The following BCAS3 variants were observed in gnomAD, a reference collection of about 807,000 sequenced individuals.
The protein encoded by BCAS3 is BCAS3 microtubule associated cell migration factor.
Under a neutral mutation model 116.1 loss-of-function variants are expected in BCAS3, and 53 were observed. The observed-to-expected ratio is 0.46, with a 90% confidence interval of 0.37 to 0.57. BCAS3 has a LOEUF of 0.57. Among genes scored for constraint, BCAS3 ranks in the 20% least tolerant of loss-of-function variants. The probability of loss-of-function intolerance (pLI) is 0.00; values close to 1 mark genes in which losing one functional copy is unlikely to be tolerated. For synonymous variants in BCAS3, 391 were observed against 408.2 expected (o/e 0.96, Z 0.51); for missense variants, 917 against 1,165.4 (o/e 0.79, Z 3.10).
chr17:60,976,095 G>A (rs1455424863), intron 14 of BCAS3, among the ~76,000 whole-genome samples: 1 of 131,536 alleles, frequency 7.6e-6, no homozygotes, highest in Non-Finnish European at 1.6e-5. Context: ...GTGGCTCACT[G>A]CAAGTGCAAG....
chr17:61,110,905 C>T (rs1268048948), intron 22 of BCAS3, among the ~76,000 whole-genome samples: 1 of 152,220 alleles, frequency 6.6e-6, no homozygotes, highest in Non-Finnish European at 1.5e-5. Flanking sequence ...TGAAAACGGG[C>T]AGACTGCCTC....
chr17:60,910,551 C>T lies in BCAS3; in HGVS notation c.842C>T (p.Thr281Ile). ...GTACAGACATTGAAAAGTGGCCTGA[C>T]AATGGTAGGGAAAGTGGTGACTCAG... ...SAAKTLKSGL[T>I]MVGKVVTQLT... Residue 281 changes from threonine (T) to isoleucine (I), a missense_variant, in exon 12 of 24, where the codon ACA becomes ATA. Thr to Ile is a moderately conservative substitution (Grantham distance 89). This residue lies in a region of BCAS3 where 807 missense variants were observed against 1,026.0 expected (regional missense o/e 0.79). Coordinates refer to ENST00000407086, the MANE Select transcript of BCAS3 (RefSeq NM_017679.5). 1 of 1,605,888 alleles carries T rather than the reference C, an allele frequency of 6.2e-7. No individual in the cohort carries two copies. The highest frequency in any genetic ancestry group is 8.5e-7 in the Non-Finnish European group (1 of 1,176,434).
chr17:61,391,980 T>C lies in BCAS3; in HGVS notation c.2597T>C (p.Leu866Pro), dbSNP rs879071789. Residue 866 changes from leucine to proline, a missense_variant, in exon 24 of 24, where the codon CTT becomes CCT. Physicochemically the swap from Leu to Pro is moderately conservative, Grantham distance 98 (BLOSUM62 -3). Transcript: ENST00000407086. This position sits in a 1 kb window ranked among gnomAD's most constrained non-coding sequence, Gnocchi z 7.7. ...SRDVVGSGTE[L>P]QREGSIETLS... ...GGCCCTCTCCTGTGTCTTGCAGAACTTCAGCGAGAGGGAAGCATCGAGACT... is the reference window on the plus strand; with the variant it reads ...GGCCCTCTCCTGTGTCTTGCAGAACCTCAGCGAGAGGGAAGCATCGAGACT... 6.2e-7 allele frequency: 1 copy of C among 1,613,558 alleles called. No individual in the cohort carries two copies. The highest frequency in any genetic ancestry group is 1.1e-5 in the South Asian group (1 of 91,066).
chr17:60,973,112 T>G (rs563612496), intron 14 of BCAS3, among the ~76,000 whole-genome samples: 1 of 152,248 alleles, frequency 6.6e-6, no homozygotes, highest in African/African-American at 2.4e-5. Flanking sequence ...TTTTATCACG[T>G]TATAAAATGT....
At position 61,376,271 on chromosome 17, in the gene BCAS3, A is replaced by G. The variant is rs114155721; in HGVS notation, c.2593+7777A>G. On this transcript the variant is annotated intron_variant, in intron 23 of 23. Coordinates refer to ENST00000407086, the MANE Select transcript of BCAS3 (RefSeq NM_017679.5). The surrounding 1 kb of genome is among the most constrained non-coding windows in gnomAD (Gnocchi z 4.5). ...CCTTTATGGGTCCTGGGTTAGCCAC[A>G]CTGTTCCTGTCCTAAGCAAACCCGG... Among the ~76,000 whole-genome samples, 6,701 of 152,198 alleles carry G rather than the reference A, an allele frequency of 0.044. 373 individuals are homozygous for G. The highest frequency in any genetic ancestry group is 0.13 in the African/African-American group (5,436 of 41,472).
chr17:60,955,316 T>C (rs746937910), intron 14 of BCAS3, among the ~76,000 whole-genome samples: 18 of 152,134 alleles, frequency 1.2e-4, no homozygotes, highest in Non-Finnish European at 1.5e-4. Context: ...ACCATCTAAT[T>C]TTGAAAGTCC....
At chr17:61,015,130 A>G (rs1322879664) in intron 15 of BCAS3, among the ~76,000 whole-genome samples, 1 of 152,196 alleles carries the variant, frequency 6.6e-6, no homozygotes, top group Non-Finnish European at 1.5e-5. Flanking sequence ...GAAATTGACA[A>G]GGTATGGGGG....
At chr17:60,796,919 T>C (rs1374165512) in intron 6 of BCAS3, among the ~76,000 whole-genome samples, 1 of 152,174 alleles carries the variant, frequency 6.6e-6, no homozygotes, top group Non-Finnish European at 1.5e-5. Context: ...TTATTTTACT[T>C]TTTTGAGACA....
At chr17:60,701,414 C>T (rs939994859) in intron 4 of BCAS3, among the ~76,000 whole-genome samples, 9 of 152,034 alleles carry the variant, frequency 5.9e-5, no homozygotes, top group Non-Finnish European at 1.2e-4. Context: ...GCTTATGTAA[C>T]CAACACCAAA....
intron 22 of BCAS3, among the ~76,000 whole-genome samples, chr17:61,236,283 AT>A (rs1474129704): frequency 6.6e-6 from 1 of 152,140 alleles, no homozygotes; most frequent in Non-Finnish European, 1.5e-5. Flanking sequence ...CTTAGATCTT[AT>A]GTTGGAGATA....
chr17:61,301,789 C>T (rs534844057), intron 22 of BCAS3, among the ~76,000 whole-genome samples: 2 of 152,140 alleles, frequency 1.3e-5, no homozygotes, highest in East Asian at 3.9e-4. Context: ...TCATGGACCA[C>T]CTGAATTCTA....
chr17:60,710,431 ATTT>A (rs529286931), intron 5 of BCAS3, among the ~76,000 whole-genome samples: 3 of 135,414 alleles, frequency 2.2e-5, no homozygotes. Context: ...ATTCTTTAAC[ATTT>A]TTTTTTTTTT....
Position 61,007,612 on chromosome 17 carries a change from TTAA to T in BCAS3, c.1487-8135_1487-8133del, listed in dbSNP as rs552233474. On this transcript the variant is annotated intron_variant, in intron 15 of 23. Transcript: ENST00000407086. The surrounding 1 kb of genome is among the most constrained non-coding windows in gnomAD (Gnocchi z 4.3). The stretch of plus-strand genomic sequence containing the variant: ...AGTACACTTTTAATTCTAGTGACAT[TTAA>T]TAAGCCCTAGGCAAAGCTCCATGCA... Among the ~76,000 whole-genome samples the T allele has an allele frequency of 2.0e-4, 30 of 151,944 alleles. 1 individual carries two copies. The highest frequency in any genetic ancestry group is 2.4e-4 in the Non-Finnish European group (16 of 67,960).
intron 3 of BCAS3, among the ~76,000 whole-genome samples, chr17:60,686,784 G>T (rs1330311830): frequency 2.0e-5 from 3 of 151,908 alleles, no homozygotes; most frequent in South Asian, 4.1e-4. Context: ...CCTTGGCCTC[G>T]CAAAGTTCTG....
At chr17:61,049,200 C>A (rs2068616201) in intron 19 of BCAS3, among the ~76,000 whole-genome samples, 2 of 151,770 alleles carry the variant, frequency 1.3e-5, no homozygotes, top group African/African-American at 4.8e-5. Context: ...ACTCAGGAGG[C>A]TGAGGTGGGA....
chr17:61,229,583 A>G lies in BCAS3; in HGVS notation c.2426-138744A>G, dbSNP rs746990072. Among the ~76,000 whole-genome samples the G allele has an allele frequency of 1.3e-5, 2 of 152,236 alleles. No homozygotes were observed. The highest frequency in any genetic ancestry group is 2.9e-5 in the Non-Finnish European group (2 of 68,038). Reference sequence around the variant, plus strand: ...CAATGGCAATTAAATGTCAACATTCATTTTGAAGGGGATGCTCAAACTATA... The same window carrying G: ...CAATGGCAATTAAATGTCAACATTCGTTTTGAAGGGGATGCTCAAACTATA... On this transcript the variant is annotated intron_variant, in intron 22 of 23. Coordinates refer to ENST00000407086, the MANE Select transcript of BCAS3 (RefSeq NM_017679.5). The surrounding 1 kb of genome is among the most constrained non-coding windows in gnomAD (Gnocchi z 4.4).
chr17:60,843,277 C>T (rs1457129393), intron 7 of BCAS3, among the ~76,000 whole-genome samples: 2 of 150,392 alleles, frequency 1.3e-5, no homozygotes, highest in African/African-American at 2.5e-5. Flanking sequence ...AGTGCAGTGG[C>T]ACGATCTCGG....
In BCAS3 at chr17:60,960,260, A is replaced by AT. The variant is rs1025932000; in HGVS notation, c.1221+12916dup. The stretch of plus-strand genomic sequence containing the variant: ...ATTACAGCATCAACTCTAAGTCTAA[A>AT]TTTTTTTTAAAAATATTATCGGCTC... On this transcript the variant is annotated intron_variant, in intron 14 of 23. Transcript: ENST00000407086. This position sits in a 1 kb window ranked among gnomAD's most constrained non-coding sequence, Gnocchi z 4.1. Among the ~76,000 whole-genome samples, 3 of 152,078 alleles carry AT rather than the reference A, an allele frequency of 2.0e-5. No homozygotes were observed. The highest frequency in any genetic ancestry group is 2.9e-5 in the Non-Finnish European group (2 of 67,998).
chr17:60,879,001 A>G (rs1360712154), intron 9 of BCAS3, among the ~76,000 whole-genome samples: 4 of 152,164 alleles, frequency 2.6e-5, no homozygotes, highest in African/African-American at 9.6e-5. Flanking sequence ...ATACAGACTG[A>G]AACTTTTGTC....
Sources: gnomAD v4.1 joint callset for allele counts (sites outside exome capture counted in the v4.1 genomes callset) on GRCh38, gnomAD v4.1.1 for gene constraint, gnomAD v4.1.1 regional missense constraint, Gnocchi (gnomAD v3.1) non-coding constraint, MANE v1.5 for transcripts, NCBI Gene and HGNC (gene_info 2026-07-23, HGNC 2026-07-21) for gene names.